GHR: variants seen among roughly 807,000 people sequenced by gnomAD.
The protein encoded by GHR is growth hormone receptor.
Under a neutral mutation model 67.1 loss-of-function variants are expected in GHR, and 35 were observed. That is an observed-to-expected ratio of 0.52 (90% CI 0.40 to 0.69). The LOEUF (loss-of-function observed/expected upper bound fraction) is 0.69, where lower values mean the gene tolerates loss of function less well. Ranked by LOEUF, GHR falls within the 30% of genes least tolerant of loss-of-function variation. The probability of loss-of-function intolerance (pLI) is 0.00; values close to 1 mark genes in which losing one functional copy is unlikely to be tolerated. For missense variants in GHR, 792 were observed against 764.6 expected (o/e 1.04, Z -0.42); for synonymous variants, 272 against 269.1 (o/e 1.01, Z -0.10).
At chr5:42,452,940 A>G (rs1479195921) in intron 1 of GHR, among the ~76,000 whole-genome samples, 1 of 152,156 alleles carries the variant, frequency 6.6e-6, no homozygotes, top group East Asian at 1.9e-4. Context: ...GTGGAACTAC[A>G]GTAATCTTTG....
At chr5:42,667,146 G>T (rs1348305439) in intron 3 of GHR, among the ~76,000 whole-genome samples, 1 of 152,112 alleles carries the variant, frequency 6.6e-6, no homozygotes, top group Non-Finnish European at 1.5e-5. Flanking sequence ...TAGAACCCCT[G>T]TAACACAGCC....
At chr5:42,457,861 G>T (rs747553497) in intron 1 of GHR, among the ~76,000 whole-genome samples, 5 of 152,128 alleles carry the variant, frequency 3.3e-5, no homozygotes, top group Non-Finnish European at 5.9e-5. Flanking sequence ...AATAGCGTTA[G>T]TAAGCCAAGC....
In GHR at chr5:42,719,221, C is replaced by A. The variant is rs1403146065; in HGVS notation, c.1714C>A (p.Leu572Ile). Residue 572 changes from leucine to isoleucine, a missense_variant, in exon 10 of 10, where the codon CTT (leucine) becomes ATT (isoleucine). Physicochemically the swap from Leu to Ile is conservative, Grantham distance 5. Coordinates refer to ENST00000230882, the MANE Select transcript of GHR (RefSeq NM_000163.5). ...QEDIYITTES[L>I]TTAAGRPGTG... The stretch of plus-strand genomic sequence containing the variant: ...GGACATTTACATCACCACAGAAAGC[C>A]TTACCACTGCTGCTGGGAGGCCTGG... The A allele has an allele frequency of 6.2e-7, 1 of 1,614,094 alleles. No individual in the cohort carries two copies. The highest frequency in any genetic ancestry group is 8.5e-7 in the Non-Finnish European group (1 of 1,179,960).
chr5:42,660,890 AAC>A (rs1352033760), intron 3 of GHR, among the ~76,000 whole-genome samples: 9 of 152,220 alleles, frequency 5.9e-5, no homozygotes, highest in Non-Finnish European at 1.3e-4. Context: ...TAACTAGAAT[AAC>A]CAATACAGAG....
At chr5:42,438,796 C>T (rs903969831) in intron 1 of GHR, among the ~76,000 whole-genome samples, 3 of 152,076 alleles carry the variant, frequency 2.0e-5, no homozygotes, top group African/African-American at 7.2e-5. Context: ...CCCAGTGGAG[C>T]CTCGAGATGA....
At position 42,559,370 on chromosome 5, in the gene GHR, G is replaced by A. The variant is rs181291700; in HGVS notation, c.-11-6494G>A. ...AGCCTGGGCAACACACCAAGACCTT[G>A]TGTATAAAATAAACAAATAAATAAA... On this transcript the variant is annotated intron_variant, in intron 1 of 9. Coordinates refer to ENST00000230882, the MANE Select transcript of GHR (RefSeq NM_000163.5). Among the ~76,000 whole-genome samples the A allele has an allele frequency of 7.9e-5, 12 of 152,244 alleles. No individual in the cohort carries two copies. The East Asian group carries it at 2.3e-3, about 29-fold the overall frequency.
chr5:42,683,750 A>G (rs1757001863), intron 3 of GHR, among the ~76,000 whole-genome samples: 1 of 152,156 alleles, frequency 6.6e-6, no homozygotes, highest in Non-Finnish European at 1.5e-5. Flanking sequence ...CAAGAACAAA[A>G]CAGCTCTGCT....
intron 3 of GHR, among the ~76,000 whole-genome samples, chr5:42,663,200 T>C (rs1755748577): frequency 6.6e-6 from 1 of 152,176 alleles, no homozygotes; most frequent in East Asian, 1.9e-4. Context: ...TCTGAAACCA[T>C]TCCAATCAAT....
chr5:42,588,700 A>T (rs2112585236), intron 2 of GHR, among the ~76,000 whole-genome samples: 1 of 152,024 alleles, frequency 6.6e-6, no homozygotes, highest in Admixed American at 6.6e-5. Flanking sequence ...TTCCTCCATA[A>T]CTGTATTACC....
At position 42,594,580 on chromosome 5, in the gene GHR, C is replaced by A. The variant is rs564075326; in HGVS notation, c.70+28636C>A. Among the ~76,000 whole-genome samples the A allele has an allele frequency of 1.7e-3, 265 of 152,282 alleles. 1 individual carries two copies. The highest frequency in any genetic ancestry group is 6.2e-3 in the African/African-American group (256 of 41,562). On this transcript the variant is annotated intron_variant, in intron 2 of 9. Coordinates refer to ENST00000230882, the MANE Select transcript of GHR (RefSeq NM_000163.5). ...CTTCCTAGCCACTGATATAGCAGTG[C>A]CAACTGTGGACTCTCTTTAGAATGA...
chr5:42,567,188 G>A (rs905330502), intron 2 of GHR, among the ~76,000 whole-genome samples: 6 of 152,038 alleles, frequency 3.9e-5, no homozygotes, highest in Admixed American at 2.0e-4. Context: ...TTAATCTCTC[G>A]TTTCTTCATT....
At chr5:42,442,042 G>C (rs969494742) in intron 1 of GHR, among the ~76,000 whole-genome samples, 3 of 152,202 alleles carry the variant, frequency 2.0e-5, no homozygotes, top group African/African-American at 7.2e-5. Context: ...CAAAGGTGAT[G>C]TGTGCAGATG....
intron 1 of GHR, among the ~76,000 whole-genome samples, chr5:42,464,584 C>T (rs1744646267): frequency 6.6e-6 from 1 of 152,080 alleles, no homozygotes; most frequent in Admixed American, 6.5e-5. Flanking sequence ...GGTCATGAAT[C>T]CATTCTGCAG....
chr5:42,593,595 A>G (rs1751909647), intron 2 of GHR, among the ~76,000 whole-genome samples: 1 of 152,182 alleles, frequency 6.6e-6, no homozygotes, highest in East Asian at 1.9e-4. Flanking sequence ...AAGGAGGCCC[A>G]TCTGTGCTGT....
intron 1 of GHR, among the ~76,000 whole-genome samples, chr5:42,532,903 T>C (rs1204699056): frequency 6.6e-6 from 1 of 152,176 alleles, no homozygotes; most frequent in Non-Finnish European, 1.5e-5. Flanking sequence ...AAATGTTCTT[T>C]TTATACATTT....
intron 1 of GHR, among the ~76,000 whole-genome samples, chr5:42,464,643 C>T (rs1216354859): frequency 2.6e-5 from 4 of 152,152 alleles, no homozygotes; most frequent in Non-Finnish European, 5.9e-5. Flanking sequence ...GAAGTCTCTG[C>T]CATGTTATCT....
At chr5:42,653,521 A>G (rs1053430298) in intron 3 of GHR, among the ~76,000 whole-genome samples, 2 of 152,172 alleles carry the variant, frequency 1.3e-5, no homozygotes, top group Non-Finnish European at 2.9e-5. Flanking sequence ...TATTATGGGC[A>G]TGGTAACAAA....
At chr5:42,645,056 C>T (rs1030183833) in intron 3 of GHR, among the ~76,000 whole-genome samples, 3 of 152,094 alleles carry the variant, frequency 2.0e-5, no homozygotes, top group Non-Finnish European at 2.9e-5. Context: ...CTTATATGAA[C>T]AGATTAGTTT....
intron 1 of GHR, among the ~76,000 whole-genome samples, chr5:42,465,078 C>G (rs2112068520): frequency 6.6e-6 from 1 of 152,288 alleles, no homozygotes; most frequent in Non-Finnish European, 1.5e-5. Flanking sequence ...GCTGGGATTT[C>G]TGGTGCTGTG....
Sources: allele counts gnomAD v4.1 joint callset (sites outside exome capture counted in the v4.1 genomes callset), GRCh38; gene constraint gnomAD v4.1.1; transcripts MANE v1.5; gene names NCBI Gene and HGNC (gene_info 2026-07-23, HGNC 2026-07-21).